UIMC1: variants seen among roughly 807,000 people sequenced by gnomAD.
The protein encoded by UIMC1 is ubiquitin interaction motif containing 1, also known as BRCA1-A complex subunit RAP80.
In UIMC1, 42 loss-of-function variants were observed where a neutral mutation model predicts 84.9. That is an observed-to-expected ratio of 0.49 (90% CI 0.39 to 0.64). The LOEUF (loss-of-function observed/expected upper bound fraction) is 0.64. Among genes scored for constraint, UIMC1 ranks in the 30% least tolerant of loss-of-function variants. The probability of loss-of-function intolerance (pLI) is 0.00; values close to 1 mark genes in which losing one functional copy is unlikely to be tolerated. For synonymous variants in UIMC1, 281 were observed against 293.0 expected (o/e 0.96, Z 0.42); for missense variants, 825 against 847.6 (o/e 0.97, Z 0.33).
intron 10 of UIMC1, among the ~76,000 whole-genome samples, chr5:176,942,699 T>C (rs1232266847): frequency 1.5e-5 from 2 of 134,784 alleles, no homozygotes; most frequent in Admixed American, 1.7e-4. Context: ...TGAGCCAAGA[T>C]CGCACCACTG....
Position 176,905,276 on chromosome 5 carries a change from A to G in UIMC1, c.*6T>C, listed in dbSNP as rs1325990878. 6.2e-7 allele frequency: 1 copy of G among 1,613,620 alleles called. No individual in the cohort carries two copies. The highest frequency in any genetic ancestry group is 8.5e-7 in the Non-Finnish European group (1 of 1,179,684). On this transcript the variant is annotated 3_prime_UTR_variant, in exon 15 of 15. Coordinates refer to ENST00000511320, the MANE Select transcript of UIMC1 (RefSeq NM_001199298.2). ...ATGGTTTTGTCAACTTTTGGACCCT[A>G]GAAATTCAGAATTTTCTCCTTCTTC...
intron 10 of UIMC1, among the ~76,000 whole-genome samples, chr5:176,918,538 T>C (rs1328758883): frequency 6.6e-6 from 1 of 152,214 alleles, no homozygotes; most frequent in African/African-American, 2.4e-5. Flanking sequence ...CTGACTTCCA[T>C]GGTTCTAATG....
chr5:176,925,027 C>A (rs1402608292), intron 10 of UIMC1, among the ~76,000 whole-genome samples: 2 of 143,112 alleles, frequency 1.4e-5, no homozygotes, highest in African/African-American at 2.6e-5. Flanking sequence ...CAAGACTCTG[C>A]CTCAAAAAAA....
At chr5:176,955,651 G>A (rs1766504199) in intron 8 of UIMC1, among the ~76,000 whole-genome samples, 1 of 152,126 alleles carries the variant, frequency 6.6e-6, no homozygotes, top group South Asian at 2.1e-4. Flanking sequence ...GTACAGTTAA[G>A]CAAATGCTAT....
At chr5:176,910,240 G>T (rs1321968965) in intron 11 of UIMC1, among the ~76,000 whole-genome samples, 1 of 152,220 alleles carries the variant, frequency 6.6e-6, no homozygotes, top group African/African-American at 2.4e-5. Context: ...AATTAGGGAA[G>T]ACAGCCCTGA....
intron 1 of UIMC1, among the ~76,000 whole-genome samples, chr5:176,991,047 G>A (rs879549894): frequency 4.2e-4 from 64 of 150,738 alleles, no homozygotes; most frequent in African/African-American, 1.3e-3. Context: ...TCGCTCTTTC[G>A]CCCAGGCCAG....
chr5:176,907,116 G>A lies in UIMC1; in HGVS notation c.1910C>T (p.Ser637Leu), dbSNP rs1349710982. 1 of 1,613,818 alleles carries A rather than the reference G, an allele frequency of 6.2e-7. No individual in the cohort carries two copies. ...SFLEQSEHKTSDADIKSSETG... is the reference protein window; with the variant it reads ...SFLEQSEHKTLDADIKSSETG... ...AAAACTGGTCCTGGGGTCCTCACCT[G>A]AAGTCTTGTGCTCAGACTGTTCCAA... Residue 637 changes from serine (S) to leucine (L), a missense_variant and splice_region_variant, in exon 13 of 15, where the codon TCA (serine) becomes TTA (leucine). Physicochemically the swap from Ser to Leu is moderately radical, Grantham distance 145 (BLOSUM62 -2). Transcript: ENST00000511320.
chr5:176,979,673 G>A (rs975598115), intron 2 of UIMC1, among the ~76,000 whole-genome samples: 4 of 151,934 alleles, frequency 2.6e-5, no homozygotes, highest in African/African-American at 9.6e-5. Context: ...GGGATTCTCA[G>A]GTGGTAACTG....
chr5:176,957,987 A>G, intron 7 of UIMC1, 106 bp downstream of exon 7: 1 of 1,043,808 alleles, frequency 9.6e-7, no homozygotes, highest in African/African-American at 1.6e-5. Flanking sequence ...TAAAAGAGCT[A>G]AAAGTTCTCT....
At chr5:177,012,212 T>G (rs1414879374) in intron 1 of UIMC1, among the ~76,000 whole-genome samples, 1 of 152,188 alleles carries the variant, frequency 6.6e-6, no homozygotes, top group African/African-American at 2.4e-5. Flanking sequence ...ATGTCCCACA[T>G]AAAGTTAAAA....
At chr5:176,951,874 C>T (rs1765920012) in intron 8 of UIMC1, among the ~76,000 whole-genome samples, 1 of 152,186 alleles carries the variant, frequency 6.6e-6, no homozygotes, top group Admixed American at 6.5e-5. Context: ...ATTTCCAACA[C>T]CCCAAAAAGT....
In UIMC1 at chr5:176,968,684, G is replaced by C. The variant is rs149057191; in HGVS notation, c.1071C>G (p.Asp357Glu). 1.2e-6 allele frequency: 2 copies of C among 1,614,024 alleles called. No homozygotes were observed. Among genetic ancestry groups the C allele is most frequent in the African/African-American group, 1.3e-5 (1 of 74,988 alleles). The change falls in exon 6 of 15, where the codon GAC (aspartate) becomes GAG (glutamate). Residue 357 changes from aspartate to glutamate, a missense_variant. Physicochemically the swap from Asp to Glu is conservative, Grantham distance 45. Coordinates refer to ENST00000511320, the MANE Select transcript of UIMC1 (RefSeq NM_001199298.2). ...ECISEDMGDE[D>E]KEERQESRAS... is the part of the protein sequence containing the mutation. ...CCCTAGACTCCTGCCTCTCCTCTTT[G>C]TCTTCATCTCCCATATCTTCTGAGA...
intron 10 of UIMC1, among the ~76,000 whole-genome samples, chr5:176,929,253 T>G (rs2149420470): frequency 7.4e-6 from 1 of 135,742 alleles, no homozygotes; most frequent in East Asian, 2.2e-4. Flanking sequence ...AGACTCCATC[T>G]CAGAAAGAAA....
intron 10 of UIMC1, among the ~76,000 whole-genome samples, chr5:176,924,810 G>A (rs961451414): frequency 3.3e-5 from 5 of 152,058 alleles, no homozygotes; most frequent in Admixed American, 3.3e-4. Flanking sequence ...GGAGGCTGAG[G>A]CGGGTGGATC....
chr5:176,941,882 T>C (rs1764482181), intron 10 of UIMC1, among the ~76,000 whole-genome samples: 1 of 152,140 alleles, frequency 6.6e-6, no homozygotes. Context: ...TCACTCTTGT[T>C]GCCCAGGCTG....
Position 176,968,651 on chromosome 5 carries a change from G to A in UIMC1, c.1104C>T (p.Asp368=), listed in dbSNP as rs986942989. Residue 368 remains aspartate, a synonymous_variant, in exon 6 of 15, where the codon GAC becomes GAT. Transcript: ENST00000511320. ...GGAAATCCTTGGTTTTTGAGTGCCAGTCAGATGCCCTAGACTCCTGCCTCT... is the reference window on the plus strand; with the variant it reads ...GGAAATCCTTGGTTTTTGAGTGCCAATCAGATGCCCTAGACTCCTGCCTCT... The part of the protein sequence containing the change: ...KEERQESRAS[D]WHSKTKDFQE... 3 of 1,614,032 alleles carry A rather than the reference G, an allele frequency of 1.9e-6. No individual in the cohort carries two copies. The highest frequency in any genetic ancestry group is 2.2e-5 in the South Asian group (2 of 91,072).
At chr5:177,005,153 A>C (rs542920786) in intron 1 of UIMC1, among the ~76,000 whole-genome samples, 1 of 152,050 alleles carries the variant, frequency 6.6e-6, no homozygotes, top group African/African-American at 2.4e-5. Context: ...GCTCACCTGC[A>C]GCCTCCACTT....
At chr5:176,942,961 C>A (rs551325755) in intron 10 of UIMC1, among the ~76,000 whole-genome samples, 41 of 152,170 alleles carry the variant, frequency 2.7e-4, no homozygotes, top group African/African-American at 8.2e-4. Context: ...ACTTGGGAGG[C>A]TAAGGCGTGA....
chr5:176,949,001 T>A (rs1561803968), intron 9 of UIMC1, among the ~76,000 whole-genome samples: 3 of 140,264 alleles, frequency 2.1e-5, no homozygotes, highest in East Asian at 4.1e-4. Flanking sequence ...AAACTTTTTT[T>A]TAAAATATTT....
Sources: gnomAD v4.1 joint callset for allele counts (sites outside exome capture counted in the v4.1 genomes callset) on GRCh38, gnomAD v4.1.1 for gene constraint, MANE v1.5 for transcripts, NCBI Gene and HGNC (gene_info 2026-07-23, HGNC 2026-07-21) for gene names.